CTNNA2: variants seen among roughly 807,000 people sequenced by gnomAD.
CTNNA2 encodes catenin alpha-2.
Under a neutral mutation model 101.0 loss-of-function variants are expected in CTNNA2, and 42 were observed. The observed-to-expected ratio is 0.42, with a 90% CI of 0.32 to 0.54. The LOEUF (loss-of-function observed/expected upper bound fraction) is 0.54, where lower values mean the gene tolerates loss of function less well. Ranked by LOEUF, CTNNA2 falls within the 20% of genes least tolerant of loss-of-function variation. The probability of loss-of-function intolerance (pLI) is 0.14; values close to 1 mark genes in which losing one functional copy is unlikely to be tolerated. For synonymous variants in CTNNA2, 450 were observed against 456.4 expected (o/e 0.99, Z 0.18); for missense variants, 871 against 1,223.1 (o/e 0.71, Z 4.29).
intron 7 of CTNNA2, among the ~76,000 whole-genome samples, chr2:80,064,958 T>C (rs1011499640): frequency 3.3e-5 from 5 of 152,234 alleles, no homozygotes; most frequent in Non-Finnish European, 7.3e-5. Flanking sequence ...TGTCTGATAA[T>C]GGTTGAAGAA....
chr2:79,314,281 A>G (rs1676447118), intron 3 of CTNNA2, among the ~76,000 whole-genome samples: 1 of 152,146 alleles, frequency 6.6e-6, no homozygotes, highest in Non-Finnish European at 1.5e-5. Context: ...GAAAATGCAG[A>G]AGTAGAAGGT....
At chr2:80,351,249 C>T (rs1416025941) in intron 7 of CTNNA2, among the ~76,000 whole-genome samples, 2 of 152,106 alleles carry the variant, frequency 1.3e-5, no homozygotes, top group Admixed American at 1.3e-4. Flanking sequence ...TGACCTCTTT[C>T]CCCACATAGG....
chr2:80,513,518 A>G (rs188732279), intron 9 of CTNNA2, among the ~76,000 whole-genome samples: 80 of 152,340 alleles, frequency 5.3e-4, no homozygotes, highest in Admixed American at 2.9e-3. Flanking sequence ...TGTGGCCACT[A>G]TATAGCTTTG....
chr2:79,284,806 T>A (rs1341491131), intron 2 of CTNNA2, among the ~76,000 whole-genome samples: 2 of 148,546 alleles, frequency 1.3e-5, no homozygotes, highest in Non-Finnish European at 3.0e-5. Context: ...CCTCTTTTTC[T>A]ATTGATTGGA....
At chr2:79,338,578 A>C (rs6734961) in intron 3 of CTNNA2, among the ~76,000 whole-genome samples, 2,794 of 117,806 alleles carry the variant, frequency 0.024, 63 homozygotes, top group South Asian at 0.036. Context: ...CCTCCTCATC[A>C]TCTTCTTCTT....
chr2:79,622,733 T>G (rs897063242), intron 1 of CTNNA2, among the ~76,000 whole-genome samples: 2 of 152,160 alleles, frequency 1.3e-5, no homozygotes, highest in Admixed American at 6.5e-5. Context: ...AGCCATTCCC[T>G]CTGGCCTCGG....
chr2:79,522,591 G>A (rs1282609747), intron 1 of CTNNA2, among the ~76,000 whole-genome samples: 2 of 152,170 alleles, frequency 1.3e-5, no homozygotes, highest in African/African-American at 2.4e-5. Context: ...AGGAGGGGGT[G>A]ACCTTGTATT....
chr2:79,986,369 G>A (rs956440626), intron 7 of CTNNA2, among the ~76,000 whole-genome samples: 8 of 152,036 alleles, frequency 5.3e-5, no homozygotes, highest in African/African-American at 1.9e-4. Context: ...GCAAACTCTT[G>A]GCCCTACCTA....
At chr2:79,522,486 G>A (rs1201978178) in intron 1 of CTNNA2, among the ~76,000 whole-genome samples, 1 of 152,202 alleles carries the variant, frequency 6.6e-6, no homozygotes, top group East Asian at 1.9e-4. Flanking sequence ...GTGTCCTGCA[G>A]TGTGGTACTG....
At position 80,174,527 on chromosome 2, in the gene CTNNA2, T is replaced by C. The variant is rs12329236; in HGVS notation, c.1057-218684T>C. Among the ~76,000 whole-genome samples the C allele has an allele frequency of 7.3e-4, 111 of 152,298 alleles. 1 individual carries two copies. Among genetic ancestry groups the C allele is most frequent in the African/African-American group, 2.2e-3 (92 of 41,570 alleles). On this transcript the variant is annotated intron_variant, in intron 7 of 18. Transcript: ENST00000402739. ...TCCTAGGCCATCTCATTCTTGCCCA[T>C]GGCTTTCATTACTCATGAACACATT... is the stretch of plus-strand genomic sequence containing the variant.
intron 9 of CTNNA2, among the ~76,000 whole-genome samples, chr2:80,438,207 A>G (rs1682216914): frequency 1.3e-5 from 2 of 152,098 alleles, no homozygotes; most frequent in African/African-American, 2.4e-5. Flanking sequence ...GCACATCCCT[A>G]GAGTCTCCTC....
At chr2:80,141,900 T>A (rs892031284) in intron 7 of CTNNA2, among the ~76,000 whole-genome samples, 2 of 150,738 alleles carry the variant, frequency 1.3e-5, no homozygotes, top group Non-Finnish European at 3.0e-5. Flanking sequence ...AAAGATAACG[T>A]CTTAACATAT....
At chr2:79,952,904 G>T (rs759935863) in intron 7 of CTNNA2, among the ~76,000 whole-genome samples, 14 of 152,164 alleles carry the variant, frequency 9.2e-5, no homozygotes, top group Admixed American at 6.5e-5. Context: ...GAATGTATGC[G>T]TGAAGCTATG....
chr2:79,311,338 A>G (rs572242057), intron 2 of CTNNA2, among the ~76,000 whole-genome samples: 12 of 146,742 alleles, frequency 8.2e-5, no homozygotes, highest in South Asian at 6.6e-4. Flanking sequence ...GAACCCGGGA[A>G]GCGGAGCTTG....
intron 7 of CTNNA2, among the ~76,000 whole-genome samples, chr2:79,998,658 G>C (rs1558714385): frequency 1.3e-5 from 2 of 152,146 alleles, no homozygotes; most frequent in Non-Finnish European, 2.9e-5. Flanking sequence ...GATAGCCATT[G>C]CACTTTTGTG....
intron 7 of CTNNA2, among the ~76,000 whole-genome samples, chr2:80,389,934 A>G (rs1349139439): frequency 1.3e-5 from 2 of 152,218 alleles, no homozygotes; most frequent in Admixed American, 1.3e-4. Context: ...AGTAACATGG[A>G]ATGATTAATG....
chr2:79,590,618 TA>T (rs1036586610), intron 1 of CTNNA2, among the ~76,000 whole-genome samples: 3 of 151,662 alleles, frequency 2.0e-5, no homozygotes, highest in Admixed American at 6.6e-5. Context: ...CGTCCTTTAT[TA>T]AAAAAAAACA....
chr2:79,442,130 A>G (rs1191023048), intron 4 of CTNNA2, among the ~76,000 whole-genome samples: 1 of 152,178 alleles, frequency 6.6e-6, no homozygotes, highest in East Asian at 1.9e-4. Flanking sequence ...TGACATTTAT[A>G]TATGCTCCAG....
At chr2:79,802,626 A>C (rs908418625) in intron 3 of CTNNA2, among the ~76,000 whole-genome samples, 2 of 152,250 alleles carry the variant, frequency 1.3e-5, no homozygotes, top group Non-Finnish European at 2.9e-5. Context: ...TTTCAGGAGT[A>C]GTTGTAGATA....
Sources: gnomAD v4.1 joint callset for allele counts (sites outside exome capture counted in the v4.1 genomes callset) on GRCh38, gnomAD v4.1.1 for gene constraint, MANE v1.5 for transcripts, NCBI Gene and HGNC (gene_info 2026-07-23, HGNC 2026-07-21) for gene names.